TENM3: variants seen among roughly 807,000 people sequenced by gnomAD.
The protein encoded by TENM3 is teneurin-3.
Under a neutral mutation model 255.1 loss-of-function variants are expected in TENM3, and 63 were observed. The observed-to-expected ratio is 0.25, with a 90% CI of 0.20 to 0.30. The LOEUF (loss-of-function observed/expected upper bound fraction) is 0.30. TENM3 is among the 10% of genes least tolerant of loss of function. TENM3 has a pLI of 1.00. For synonymous variants in TENM3, 1,306 were observed against 1,322.3 expected (o/e 0.99, Z 0.27); for missense variants, 2,929 against 3,461.1 (o/e 0.85, Z 3.86).
chr4:182,640,588 A>G (rs1752218415), intron 5 of TENM3, among the ~76,000 whole-genome samples: 1 of 152,292 alleles, frequency 6.6e-6, no homozygotes, highest in African/African-American at 2.4e-5. Context: ...TACATTCTTC[A>G]TGATCTTGGA....
chr4:182,694,043 G>T (rs544783467), intron 12 of TENM3, among the ~76,000 whole-genome samples: 3 of 152,098 alleles, frequency 2.0e-5, no homozygotes, highest in Admixed American at 1.3e-4. Context: ...AATGGATATT[G>T]TTTAACAAGA....
the TENM3 span, among the ~76,000 whole-genome samples, chr4:182,014,581 C>T: frequency 4.2e-5 from 6 of 143,296 alleles, no homozygotes; most frequent in African/African-American, 1.3e-4. Context: ...GGTAGGGCCC[C>T]TCCTATGAGT....
chr4:181,653,754 G>A, the TENM3 span, among the ~76,000 whole-genome samples: 26 of 145,012 alleles, frequency 1.8e-4, no homozygotes, highest in South Asian at 2.2e-3. Context: ...GTGCAGGTTT[G>A]TTATATAGGT....
At chr4:182,620,038 G>A (rs901497602) in intron 4 of TENM3, among the ~76,000 whole-genome samples, 1 of 152,164 alleles carries the variant, frequency 6.6e-6, no homozygotes, top group South Asian at 2.1e-4. Flanking sequence ...AACCTCATGT[G>A]GATGCCAGGT....
chr4:182,042,871 TCGTGTGTG>T, the TENM3 span, among the ~76,000 whole-genome samples: 2 of 85,454 alleles, frequency 2.3e-5, no homozygotes, highest in Non-Finnish European at 4.6e-5. Context: ...AAACAAGTTA[TCGTGTGTG>T]CGTGTGTGTG....
intron 3 of TENM3, among the ~76,000 whole-genome samples, chr4:182,373,923 A>T (rs2150875991): frequency 6.6e-6 from 1 of 152,236 alleles, no homozygotes; most frequent in South Asian, 2.1e-4. Flanking sequence ...CTGTTATCCA[A>T]GTTTTCTTTA....
chr4:181,939,416 G>T, the TENM3 span, among the ~76,000 whole-genome samples: 2 of 152,142 alleles, frequency 1.3e-5, no homozygotes, highest in African/African-American at 2.4e-5. Context: ...TGTCCTCCAT[G>T]GGAAACAGGC....
chr4:181,872,638 A>G, the TENM3 span, among the ~76,000 whole-genome samples: 2 of 152,036 alleles, frequency 1.3e-5, no homozygotes, highest in African/African-American at 4.8e-5. Context: ...ATGAATTGTG[A>G]TCATATTCCC....
chr4:181,661,502 A>C, the TENM3 span, among the ~76,000 whole-genome samples: 5 of 152,304 alleles, frequency 3.3e-5, no homozygotes, highest in South Asian at 6.2e-4. Flanking sequence ...GTTTGGCATG[A>C]TTCAGTCTTT....
chr4:181,964,322 T>C, the TENM3 span, among the ~76,000 whole-genome samples: 1 of 152,202 alleles, frequency 6.6e-6, no homozygotes, highest in Admixed American at 6.5e-5. Flanking sequence ...GGGGTAATTT[T>C]ACAAAGCTTT....
rs201683727 is a variant in TENM3, at chr4:182,532,615, C to T, written c.512-68309C>T. 3.3e-5 allele frequency among the ~76,000 whole-genome samples: 5 copies of T among 152,282 alleles called. No individual in the cohort carries two copies. In the East Asian group the frequency reaches 9.6e-4, roughly 29 times the overall value. ...CTCGTTTTTGATTACCACATTAACTCTTTCTGGCCATTAGGGTACCATTTA... is the reference window on the plus strand; with the variant it reads ...CTCGTTTTTGATTACCACATTAACTTTTTCTGGCCATTAGGGTACCATTTA... On this transcript the variant is annotated intron_variant, in intron 3 of 27. Transcript: ENST00000511685.
the TENM3 span, among the ~76,000 whole-genome samples, chr4:182,115,603 C>A: frequency 6.6e-6 from 1 of 152,146 alleles, no homozygotes; most frequent in Non-Finnish European, 1.5e-5. Context: ...ACTTTGATAA[C>A]ATAATTTCAG....
At chr4:182,149,523 A>G (rs1278029011) in intron 1 of TENM3, among the ~76,000 whole-genome samples, 1 of 152,084 alleles carries the variant, frequency 6.6e-6, no homozygotes, top group Non-Finnish European at 1.5e-5. Context: ...GAATGAACTC[A>G]TAAGTCATAT....
chr4:182,635,766 G>A (rs1751791871), intron 5 of TENM3, among the ~76,000 whole-genome samples: 1 of 152,128 alleles, frequency 6.6e-6, no homozygotes, highest in Non-Finnish European at 1.5e-5. Context: ...AACATAACCT[G>A]TCGAATCCAG....
At chr4:182,723,733 G>A (rs1759931637) in intron 13 of TENM3, among the ~76,000 whole-genome samples, 1 of 152,190 alleles carries the variant, frequency 6.6e-6, no homozygotes, top group Non-Finnish European at 1.5e-5. Flanking sequence ...ACAGGATAGA[G>A]ACCTTGAAGC....
rs1580165407 is a variant in TENM3 at position 182,325,735 on chromosome 4, G to A, written c.232+1483G>A. On this transcript the variant is annotated intron_variant, in intron 2 of 27. Coordinates refer to ENST00000511685, the MANE Select transcript of TENM3 (RefSeq NM_001080477.4). ...AAAAATAACTCTTTAGTGCCCTGTTGGAAAACGAAAAAAAAATAAAAAAAT... is the reference window on the plus strand; with the variant it reads ...AAAAATAACTCTTTAGTGCCCTGTTAGAAAACGAAAAAAAAATAAAAAAAT... 2.0e-5 allele frequency among the ~76,000 whole-genome samples: 3 copies of A among 150,994 alleles called. No homozygotes were observed. The East Asian group carries it at 5.8e-4, about 29-fold the overall frequency.
intron 12 of TENM3, among the ~76,000 whole-genome samples, chr4:182,703,073 C>A (rs1379942855): frequency 1.3e-5 from 2 of 152,136 alleles, no homozygotes; most frequent in Admixed American, 1.3e-4. Context: ...GACTGTCCTG[C>A]CTCCTGAATT....
chr4:182,414,295 G>C (rs1051042521), intron 3 of TENM3, among the ~76,000 whole-genome samples: 1 of 152,042 alleles, frequency 6.6e-6, no homozygotes, highest in Non-Finnish European at 1.5e-5. Context: ...TTTGCTAACA[G>C]TCATGTTCTC....
chr4:181,939,124 T>G, the TENM3 span, among the ~76,000 whole-genome samples: 1 of 152,162 alleles, frequency 6.6e-6, no homozygotes, highest in Non-Finnish European at 1.5e-5. Flanking sequence ...CTTGTGCACT[T>G]TTTCATACTT....
Sources: allele counts gnomAD v4.1 joint callset (sites outside exome capture counted in the v4.1 genomes callset), GRCh38; gene constraint gnomAD v4.1.1; transcripts MANE v1.5; gene names NCBI Gene and HGNC (gene_info 2026-07-23, HGNC 2026-07-21).